The following GRM7 variants were observed in gnomAD, a reference collection of about 807,000 sequenced individuals.
GRM7 encodes metabotropic glutamate receptor 7.
Under a neutral mutation model 84.5 loss-of-function variants are expected in GRM7, and 35 were observed. The ratio of observed to expected loss-of-function variants is 0.41; its 90% CI spans 0.32 to 0.55. The LOEUF is 0.55. GRM7 is among the 20% of genes least tolerant of loss of function. The pLI is 0.19. For missense variants in GRM7, 1,003 were observed against 1,194.6 expected, an observed-to-expected ratio of 0.84 and a Z score of 2.36; for synonymous variants, 487 against 455.1, an observed-to-expected ratio of 1.07 and a Z score of -0.89.
chr3:7,510,485 A>G (rs1483793833), intron 7 of GRM7, among the ~76,000 whole-genome samples: 1 of 152,236 alleles, frequency 6.6e-6, no homozygotes, highest in African/African-American at 2.4e-5. Flanking sequence ...GAATGAACAA[A>G]TAAGGAATGA....
rs1008380981 is a variant in GRM7 at position 7,128,569 on chromosome 3, G to A, written c.520-17883G>A. On this transcript the variant is annotated intron_variant, in intron 1 of 9. Coordinates refer to ENST00000357716, the MANE Select transcript of GRM7 (RefSeq NM_000844.4). ...GTCACCTAGGCTGGAGTGCAGTGGC[G>A]CGATCTGTGTTCACTGCAACCTCCG... 3.2e-4 allele frequency among the ~76,000 whole-genome samples: 36 copies of A among 113,822 alleles called. 6 individuals are homozygous for A. Among genetic ancestry groups the A allele is most frequent in the Middle Eastern group, 8.2e-3 (2 of 244 alleles). The allele number at this position is 113,822 out of a possible 152,430, so 74.7% of individuals were successfully genotyped here. A position where few individuals can be genotyped will look rare whatever the true frequency, so the allele number is the denominator to read the frequency against.
chr3:7,739,613 CT>C (rs1213283517), intron 9 of GRM7, among the ~76,000 whole-genome samples: 1 of 152,214 alleles, frequency 6.6e-6, no homozygotes, highest in African/African-American at 2.4e-5. Flanking sequence ...GACATGAAAT[CT>C]GCTGTGCTCA....
intron 2 of GRM7, among the ~76,000 whole-genome samples, chr3:7,167,872 AG>A (rs1259536919): frequency 6.8e-6 from 1 of 147,650 alleles, no homozygotes; most frequent in Non-Finnish European, 1.5e-5. Context: ...GGGAGGCTGA[AG>A]CAGGAGAATG....
intron 2 of GRM7, among the ~76,000 whole-genome samples, chr3:7,259,383 G>T (rs1423011612): frequency 1.3e-5 from 2 of 152,098 alleles, no homozygotes; most frequent in Non-Finnish European, 2.9e-5. Context: ...CATCATCCAG[G>T]TACTAAGCCT....
intron 1 of GRM7, among the ~76,000 whole-genome samples, chr3:6,991,210 G>A (rs1365103725): frequency 6.6e-6 from 1 of 152,122 alleles, no homozygotes; most frequent in African/African-American, 2.4e-5. Context: ...CACAAAAGCA[G>A]CCAATGTGTG....
chr3:6,861,402 G>A lies in GRM7; in HGVS notation c.14G>A (p.Arg5Lys). The A allele has an allele frequency of 1.3e-6, 2 of 1,582,948 alleles. No homozygotes were observed. Among genetic ancestry groups the A allele is most frequent in the Non-Finnish European group, 1.7e-6 (2 of 1,167,812 alleles). MVQLRKLLRVLTLMK... is the reference protein window; with the variant it reads MVQLKKLLRVLTLMK... ...AGCCGGAGCAGCATGGTCCAGCTGA[G>A]GAAGCTGCTCCGCGTCCTGACTTTG... The change falls in exon 1 of 10, where the codon AGG becomes AAG. Residue 5 changes from arginine to lysine, a missense_variant. Transcript: ENST00000357716. This position sits in a 1 kb window ranked among gnomAD's most constrained non-coding sequence, Gnocchi z 6.4.
chr3:7,346,706 C>T (rs181657656), intron 4 of GRM7, among the ~76,000 whole-genome samples: 110 of 152,168 alleles, frequency 7.2e-4, no homozygotes, highest in African/African-American at 2.0e-3. Context: ...CACTGGAAAA[C>T]GTACTACCAG....
intron 7 of GRM7, among the ~76,000 whole-genome samples, chr3:7,514,119 A>ACT: frequency 6.6e-6 from 1 of 152,242 alleles, no homozygotes; most frequent in South Asian, 2.1e-4. Context: ...CTTCCAGAAA[A>ACT]AACCCGGCAT....
At chr3:7,203,021 G>A (rs1488135771) in intron 2 of GRM7, among the ~76,000 whole-genome samples, 1 of 152,194 alleles carries the variant, frequency 6.6e-6, no homozygotes, top group Non-Finnish European at 1.5e-5. Context: ...CAGGGTAGAG[G>A]AGGTATCCAT....
At chr3:7,049,258 G>A (rs941260373) in intron 1 of GRM7, among the ~76,000 whole-genome samples, 4 of 151,896 alleles carry the variant, frequency 2.6e-5, no homozygotes, top group East Asian at 1.9e-4. Context: ...CCAAGACTGC[G>A]CAATTTAGAA....
intron 6 of GRM7, among the ~76,000 whole-genome samples, chr3:7,455,909 C>T (rs753299415): frequency 9.9e-5 from 15 of 151,726 alleles, no homozygotes; most frequent in Non-Finnish European, 2.1e-4. Context: ...TTAAAACGCA[C>T]AACATTGTAT....
intron 8 of GRM7, among the ~76,000 whole-genome samples, chr3:7,677,445 C>G (rs1700181121): frequency 6.6e-6 from 1 of 151,984 alleles, no homozygotes; most frequent in South Asian, 2.1e-4. Flanking sequence ...AGTAATTTGT[C>G]CAAGGTCACA....
At chr3:7,253,897 G>A (rs12629772) in intron 2 of GRM7, among the ~76,000 whole-genome samples, 6 of 152,180 alleles carry the variant, frequency 3.9e-5, no homozygotes, top group East Asian at 1.9e-4. Flanking sequence ...CCCCTTTCCC[G>A]GGTCCTTGAC....
At chr3:7,439,025 A>C (rs1697177459) in intron 5 of GRM7, among the ~76,000 whole-genome samples, 1 of 152,202 alleles carries the variant, frequency 6.6e-6, no homozygotes, top group Non-Finnish European at 1.5e-5. Context: ...GCATAAGTTC[A>C]TCAGTGGTTG....
At chr3:7,077,727 A>T (rs1240585451) in intron 1 of GRM7, among the ~76,000 whole-genome samples, 1 of 152,126 alleles carries the variant, frequency 6.6e-6, no homozygotes, top group Non-Finnish European at 1.5e-5. Context: ...ATAATAATAA[A>T]AAATAAAGAT....
chr3:7,035,263 G>A (rs1343774857), intron 1 of GRM7, among the ~76,000 whole-genome samples: 1 of 152,122 alleles, frequency 6.6e-6, no homozygotes, highest in African/African-American at 2.4e-5. Context: ...AAAAATGGAA[G>A]CAAAGAAGCC....
At chr3:7,581,241 C>T (rs1393610472) in intron 8 of GRM7, among the ~76,000 whole-genome samples, 2 of 152,048 alleles carry the variant, frequency 1.3e-5, no homozygotes, top group Non-Finnish European at 2.9e-5. Context: ...GAAATTGAAA[C>T]AAGGTTTCAG....
chr3:7,426,770 C>A (rs1696628293), intron 5 of GRM7, among the ~76,000 whole-genome samples: 2 of 152,160 alleles, frequency 1.3e-5, no homozygotes, highest in Admixed American at 1.3e-4. Flanking sequence ...AGCCCTAGGC[C>A]AGTATCAGGC....
intron 8 of GRM7, among the ~76,000 whole-genome samples, chr3:7,657,544 T>C (rs1699260536): frequency 6.6e-6 from 1 of 152,186 alleles, no homozygotes; most frequent in African/African-American, 2.4e-5. Flanking sequence ...TTATGAAATA[T>C]AGCAAAGAGA....
Sources: allele counts gnomAD v4.1 joint callset (sites outside exome capture counted in the v4.1 genomes callset), GRCh38; gene constraint gnomAD v4.1.1; non-coding constraint Gnocchi (gnomAD v3.1); transcripts MANE v1.5; gene names NCBI Gene and HGNC (gene_info 2026-07-23, HGNC 2026-07-21).